The following LRP1B variants were observed in gnomAD, a reference collection of about 807,000 sequenced individuals.
LRP1B encodes the protein LDL receptor related protein 1B, also known as low-density lipoprotein receptor-related protein 1B.
Under a neutral mutation model 556.6 loss-of-function variants are expected in LRP1B, and 217 were observed. The ratio of observed to expected loss-of-function variants is 0.39; its 90% CI spans 0.35 to 0.44. LRP1B has a LOEUF of 0.44. LRP1B is among the 20% of genes least tolerant of loss of function. LRP1B has a pLI of 1.00. For synonymous variants in LRP1B, 2,047 were observed against 1,865.8 expected (o/e 1.10, Z -2.50); for missense variants, 5,053 against 5,620.8 (o/e 0.90, Z 3.23).
chr2:140,638,160 C>T (rs983317459), intron 41 of LRP1B, among the ~76,000 whole-genome samples: 1 of 152,138 alleles, frequency 6.6e-6, no homozygotes, highest in Non-Finnish European at 1.5e-5. Flanking sequence ...TATAATTTTA[C>T]AGTAAGTAAT....
rs764571078 is a variant in LRP1B, at chr2:140,598,765, C to A, written c.7060G>T (p.Ala2354Ser). 17 of 1,612,802 alleles carry A rather than the reference C, an allele frequency of 1.1e-5. No individual in the cohort carries two copies. In the South Asian group the frequency reaches 1.5e-4, roughly 15 times the overall value. The change falls in exon 43 of 91, where the codon GCT (alanine) becomes TCT (serine). Residue 2354 changes from alanine to serine, a missense_variant. This residue lies in a region of LRP1B where 3,619 missense variants were observed against 3,931.9 expected (regional missense o/e 0.92). Coordinates refer to ENST00000389484, the MANE Select transcript of LRP1B (RefSeq NM_018557.3). ...ATGTCTGTACTGACCACCACTTGAG[C>A]ATTTTTCCCAGTCAGAGTAGATCTC... ...IMRSTLTGKN[A>S]QVVVSTDILT...
intron 1 of LRP1B, among the ~76,000 whole-genome samples, chr2:141,888,474 C>A (rs1228617189): frequency 6.6e-6 from 1 of 152,134 alleles, no homozygotes; most frequent in Non-Finnish European, 1.5e-5. Context: ...GAATCAATGT[C>A]CCTGGATTTT....
chr2:141,544,621 C>G (rs753333168), intron 2 of LRP1B, among the ~76,000 whole-genome samples: 1 of 151,600 alleles, frequency 6.6e-6, no homozygotes, highest in Non-Finnish European at 1.5e-5. Context: ...TCTCCACACA[C>G]TTTCACCTTC....
chr2:141,490,527 T>A (rs931931079), intron 2 of LRP1B, among the ~76,000 whole-genome samples: 1 of 152,076 alleles, frequency 6.6e-6, no homozygotes, highest in Non-Finnish European at 1.5e-5. Flanking sequence ...ACTTAGAATA[T>A]AGACAAAGTT....
intron 31 of LRP1B, among the ~76,000 whole-genome samples, chr2:140,819,714 TAA>T (rs953196776): frequency 6.6e-6 from 1 of 152,088 alleles, no homozygotes; most frequent in Admixed American, 6.5e-5. Flanking sequence ...CTAGAAGAAA[TAA>T]AAGTGTTTTT....
chr2:141,914,226 T>C (rs1448441586), intron 1 of LRP1B, among the ~76,000 whole-genome samples: 1 of 152,156 alleles, frequency 6.6e-6, no homozygotes, highest in Non-Finnish European at 1.5e-5. Flanking sequence ...AATTAATAGA[T>C]AAAAGGATAT....
Position 142,051,995 on chromosome 2 carries a change from C to A in LRP1B, c.82+78653G>T, listed in dbSNP as rs557455510. ...ATTGTGATAAACTTCTCATTGCCTC[C>A]CTTACGGTATTTAAATATTGGACCT... On this transcript the variant is annotated intron_variant, in intron 1 of 90. Transcript: ENST00000389484. Among the ~76,000 whole-genome samples the A allele has an allele frequency of 1.1e-4, 16 of 152,138 alleles. 1 individual carries two copies. The East Asian group carries it at 3.1e-3, about 29-fold the overall frequency.
Position 141,897,893 on chromosome 2 carries a change from C to T in LRP1B, c.83-87492G>A, listed in dbSNP as rs7586224. Among the ~76,000 whole-genome samples the T allele has an allele frequency of 6.6e-5, 10 of 151,988 alleles. No homozygotes were observed. The East Asian group carries it at 1.6e-3, about 24-fold the overall frequency. Reference sequence around the variant, plus strand: ...AAAAAGGATTGTGCATACACACACACGTGCACACACTTACATGCATATGTA... The same window carrying T: ...AAAAAGGATTGTGCATACACACACATGTGCACACACTTACATGCATATGTA... On this transcript the variant is annotated intron_variant, in intron 1 of 90. Transcript: ENST00000389484.
intron 27 of LRP1B, among the ~76,000 whole-genome samples, chr2:140,853,138 C>T (rs1197357801): frequency 1.3e-5 from 2 of 151,990 alleles, no homozygotes; most frequent in Non-Finnish European, 1.5e-5. Flanking sequence ...TTTCCTGAAA[C>T]AGGTCATGAA....
At chr2:140,960,401 A>G (rs559110552) in intron 18 of LRP1B, among the ~76,000 whole-genome samples, 1 of 151,952 alleles carries the variant, frequency 6.6e-6, no homozygotes, top group Non-Finnish European at 1.5e-5. Flanking sequence ...ATTTCCCAAG[A>G]AATCAAATTA....
intron 7 of LRP1B, among the ~76,000 whole-genome samples, chr2:141,073,898 T>C (rs1416398498): frequency 6.6e-6 from 1 of 152,022 alleles, no homozygotes; most frequent in Non-Finnish European, 1.5e-5. Flanking sequence ...CAAGTAACAG[T>C]CATCTGTTAC....
chr2:141,314,016 T>A (rs1686906813), intron 3 of LRP1B, among the ~76,000 whole-genome samples: 1 of 152,224 alleles, frequency 6.6e-6, no homozygotes, highest in African/African-American at 2.4e-5. Context: ...AATTTTTACT[T>A]CTTTTTTGGG....
At chr2:140,529,815 G>A (rs1287953060) in intron 47 of LRP1B, among the ~76,000 whole-genome samples, 1 of 151,762 alleles carries the variant, frequency 6.6e-6, no homozygotes, top group Non-Finnish European at 1.5e-5. Flanking sequence ...ATATTCACTC[G>A]ACCTGCCATG....
intron 2 of LRP1B, among the ~76,000 whole-genome samples, chr2:141,596,667 T>G (rs1687535851): frequency 6.6e-6 from 1 of 151,990 alleles, no homozygotes; most frequent in Admixed American, 6.6e-5. Flanking sequence ...TGAAAAGGAT[T>G]CTAACCCCTT....
At chr2:141,194,675 T>C (rs993975278) in intron 6 of LRP1B, among the ~76,000 whole-genome samples, 3 of 152,116 alleles carry the variant, frequency 2.0e-5, no homozygotes, top group African/African-American at 7.2e-5. Flanking sequence ...AAACACTGTA[T>C]ATCATTCGGT....
rs192552282 is a variant in LRP1B, at chr2:140,536,539, A to C, written c.7642+42T>G. On this transcript the variant is annotated intron_variant, in intron 46 of 90. Coordinates refer to ENST00000389484, the MANE Select transcript of LRP1B (RefSeq NM_018557.3). ...CAAACCAAAAACTGTAAAGAATCAG[A>C]AAACTTTATCTGAAACGAGCAAACC... is the stretch of plus-strand genomic sequence containing the variant. 7.2e-5 allele frequency: 114 copies of C among 1,577,714 alleles called. No homozygotes were observed. The East Asian group carries it at 2.5e-3, about 35-fold the overall frequency.
At chr2:141,687,873 T>C (rs1365754164) in intron 2 of LRP1B, among the ~76,000 whole-genome samples, 1 of 151,258 alleles carries the variant, frequency 6.6e-6, no homozygotes, top group East Asian at 2.0e-4. Flanking sequence ...GCATAGTTAG[T>C]AAATGATTCA....
chr2:141,521,517 A>ATT (rs147401022), intron 2 of LRP1B, among the ~76,000 whole-genome samples: 7 of 151,180 alleles, frequency 4.6e-5, no homozygotes, highest in Admixed American at 2.0e-4. Context: ...CTTGGAAGTA[A>ATT]TTTTTTTTAT....
At chr2:141,601,900 C>A (rs1278564518) in intron 2 of LRP1B, among the ~76,000 whole-genome samples, 2 of 152,072 alleles carry the variant, frequency 1.3e-5, no homozygotes, top group East Asian at 1.9e-4. Flanking sequence ...CCGCGTCCGG[C>A]CTTAGCATTA....
Sources: allele counts gnomAD v4.1 joint callset (sites outside exome capture counted in the v4.1 genomes callset), GRCh38; gene constraint gnomAD v4.1.1; regional missense constraint gnomAD v4.1.1; transcripts MANE v1.5; gene names NCBI Gene and HGNC (gene_info 2026-07-23, HGNC 2026-07-21).